The following NFAT5 variants were observed in gnomAD, a reference collection of about 807,000 sequenced individuals.
NFAT5 encodes the protein nuclear factor of activated T-cells 5.
Under a neutral mutation model 166.5 loss-of-function variants are expected in NFAT5, and 31 were observed. The observed-to-expected ratio is 0.19, with a 90% CI of 0.14 to 0.25. NFAT5 has a LOEUF of 0.25. Ranked by LOEUF, NFAT5 falls within the 10% of genes least tolerant of loss-of-function variation. NFAT5 has a pLI of 1.00. For synonymous variants in NFAT5, 612 were observed against 639.7 expected (o/e 0.96, Z 0.65); for missense variants, 1,449 against 1,821.8 (o/e 0.80, Z 3.72).
chr16:69,682,985 G>T (rs925693047), intron 10 of NFAT5, among the ~76,000 whole-genome samples: 3 of 152,224 alleles, frequency 2.0e-5, no homozygotes, highest in African/African-American at 7.2e-5. Flanking sequence ...ACCGAGGTGG[G>T]CAGATCACCT....
chr16:69,681,762 C>A (rs967883876), intron 10 of NFAT5, among the ~76,000 whole-genome samples: 2 of 151,742 alleles, frequency 1.3e-5, no homozygotes, highest in Non-Finnish European at 2.9e-5. Flanking sequence ...CTAAAAAATA[C>A]AAAAAATTAG....
intron 6 of NFAT5, 99 bp downstream of exon 6, chr16:69,655,898 T>A: frequency 1.2e-6 from 1 of 803,310 alleles, no homozygotes; most frequent in South Asian, 2.5e-5. Context: ...CGTATTTTAT[T>A]AAAATGTTTT....
intron 10 of NFAT5, among the ~76,000 whole-genome samples, chr16:69,682,440 C>A (rs568297017): frequency 5.3e-5 from 8 of 150,944 alleles, no homozygotes; most frequent in Non-Finnish European, 1.0e-4. Context: ...AGACCCCCCC[C>A]CCCGCCATCC....
chr16:69,640,896 G>A (rs893242109), intron 3 of NFAT5, among the ~76,000 whole-genome samples: 11 of 151,724 alleles, frequency 7.3e-5, no homozygotes, highest in Non-Finnish European at 1.6e-4. Context: ...CAGAAGAATC[G>A]CTTGACTCTG....
intron 2 of NFAT5, among the ~76,000 whole-genome samples, chr16:69,588,677 C>T (rs187254219): frequency 7.9e-4 from 120 of 152,268 alleles, no homozygotes; most frequent in Non-Finnish European, 1.3e-3. Context: ...TGGGATCTCC[C>T]ATATCAAATA....
In NFAT5 at chr16:69,693,204, T is replaced by A. The variant is rs776303004; in HGVS notation, c.3379T>A (p.Ser1127Thr). 9 of 1,614,150 alleles carry A rather than the reference T, an allele frequency of 5.6e-6. No homozygotes were observed. In the South Asian group the frequency reaches 9.9e-5, roughly 18 times the overall value. The part of the protein sequence containing the change: ...IVHSQTSTTS[S>T]EQMQPPMFHS... ...CCACAGTCAGACTTCTACAACCTCC[T>A]CTGAACAAATGCAGCCTCCAATGTT... The change falls in exon 13 of 15, where the codon TCT (serine) becomes ACT (threonine). Residue 1127 changes from serine (S) to threonine (T), a missense_variant. This residue lies in a region of NFAT5 where 891 missense variants were observed against 993.0 expected (regional missense o/e 0.90). Transcript: ENST00000349945.
At position 69,697,220 on chromosome 16, in the gene NFAT5, C is replaced by T. The variant is rs1216146245; in HGVS notation, c.*869C>T. On this transcript the variant is annotated 3_prime_UTR_variant, in exon 15 of 15. Coordinates refer to ENST00000349945, the MANE Select transcript of NFAT5 (RefSeq NM_138713.4). The stretch of plus-strand genomic sequence containing the variant: ...TTTTATATATATCTATATTACTTTT[C>T]ACCTCTTTTTCACTTTACTTTAGAG... 1 of 152,390 alleles carries T rather than the reference C, an allele frequency of 6.6e-6. No homozygotes were observed. The highest frequency in any genetic ancestry group is 1.5e-5 in the Non-Finnish European group (1 of 67,988). The allele number at this position is 152,390 out of a possible 1,614,324, so 9.4% of individuals were successfully genotyped here. A position where few individuals can be genotyped will look rare whatever the true frequency, so the allele number is the denominator to read the frequency against.
chr16:69,623,484 C>T (rs1175470019), intron 2 of NFAT5, among the ~76,000 whole-genome samples: 3 of 151,650 alleles, frequency 2.0e-5, no homozygotes, highest in Admixed American at 2.0e-4. Flanking sequence ...TGTGTCACCA[C>T]ACCCAGCTAA....
intron 3 of NFAT5, 67 bp from the exon 4 acceptor site, chr16:69,646,961 A>G (rs374587587): frequency 4.6e-6 from 6 of 1,294,554 alleles, no homozygotes; most frequent in East Asian, 2.4e-5. Context: ...CACATTTTCA[A>G]TGGGACTGCT....
rs1388585823 is a variant in NFAT5 at position 69,693,134 on chromosome 16, C to A, written c.3309C>A (p.Ser1103=). The A allele has an allele frequency of 1.2e-6, 2 of 1,614,098 alleles. No individual in the cohort carries two copies. Among genetic ancestry groups the A allele is most frequent in the African/African-American group, 1.3e-5 (1 of 75,006 alleles). The change falls in exon 13 of 15, where the codon TCC becomes TCA. Residue 1103 remains serine (S), a synonymous_variant. Transcript: ENST00000349945. ...CTATTGCCGATGCTCAGAACCTTTC[C>A]CAGGAAACTCAAGGTTCTCTCTTTC... is the stretch of plus-strand genomic sequence containing the variant. ...QNPIADAQNL[S]QETQGSLFHS...
chr16:69,631,470 A>G (rs116061076), intron 3 of NFAT5, among the ~76,000 whole-genome samples: 6,591 of 152,082 alleles, frequency 0.043, 483 homozygotes, highest in African/African-American at 0.15. Context: ...GAATTAAACT[A>G]TAGGTTTTAT....
chr16:69,611,839 ACAAG>A (rs1453154279), intron 2 of NFAT5, among the ~76,000 whole-genome samples: 2 of 152,218 alleles, frequency 1.3e-5, no homozygotes, highest in East Asian at 3.8e-4. Flanking sequence ...ATAGCACCAG[ACAAG>A]CAAGCAGTCA....
At chr16:69,608,716 G>A (rs531941520) in intron 2 of NFAT5, among the ~76,000 whole-genome samples, 7 of 151,860 alleles carry the variant, frequency 4.6e-5, no homozygotes, top group African/African-American at 1.2e-4. Flanking sequence ...CTGGGTTCAC[G>A]CCATTCTCCT....
At chr16:69,689,143 G>A (rs2037448480) in intron 11 of NFAT5, among the ~76,000 whole-genome samples, 1 of 152,170 alleles carries the variant, frequency 6.6e-6, no homozygotes, top group Non-Finnish European at 1.5e-5. Context: ...CAGGCATGGT[G>A]GTGTGTGCCT....
intron 7 of NFAT5, among the ~76,000 whole-genome samples, chr16:69,664,883 C>T (rs949393754): frequency 2.0e-5 from 3 of 151,904 alleles, no homozygotes; most frequent in Non-Finnish European, 4.4e-5. Flanking sequence ...CAAAGTTAGC[C>T]GGGCTTGGTG....
At chr16:69,671,300 C>G (rs1040380842) in intron 9 of NFAT5, among the ~76,000 whole-genome samples, 1 of 152,096 alleles carries the variant, frequency 6.6e-6, no homozygotes, top group African/African-American at 2.4e-5. Flanking sequence ...TGATAACTTC[C>G]TAGAAAAATT....
At chr16:69,682,590 G>A (rs1420332695) in intron 10 of NFAT5, among the ~76,000 whole-genome samples, 1 of 152,076 alleles carries the variant, frequency 6.6e-6, no homozygotes, top group South Asian at 2.1e-4. Context: ...ATGTACTCCA[G>A]CCTGGACAAC....
At chr16:69,610,586 GAA>G (rs933258039) in intron 2 of NFAT5, among the ~76,000 whole-genome samples, 2 of 152,114 alleles carry the variant, frequency 1.3e-5, no homozygotes, top group African/African-American at 4.8e-5. Flanking sequence ...GAATGCTGGG[GAA>G]AGAATTTATC....
rs2037665037 is a variant in NFAT5 at position 69,693,956 on chromosome 16, G to A, written c.4131G>A (p.Gln1377=). The change falls in exon 13 of 15, where the codon CAG becomes CAA. Residue 1377 remains glutamine (Q), a synonymous_variant. Coordinates refer to ENST00000349945, the MANE Select transcript of NFAT5 (RefSeq NM_138713.4). ...TGTTCCATAGCTCTCCTCAGATTCA[G>A]TTGGTACAAGGGTCACCTAGTTCTC... The part of the protein sequence containing the change: ...TPLFHSSPQI[Q]LVQGSPSSQE... 2.5e-6 allele frequency: 4 copies of A among 1,614,214 alleles called. No homozygotes were observed. Among genetic ancestry groups the A allele is most frequent in the Non-Finnish European group, 3.4e-6 (4 of 1,180,042 alleles).
Sources: gnomAD v4.1 joint callset for allele counts (sites outside exome capture counted in the v4.1 genomes callset) on GRCh38, gnomAD v4.1.1 for gene constraint, gnomAD v4.1.1 regional missense constraint, MANE v1.5 for transcripts, NCBI Gene and HGNC (gene_info 2026-07-23, HGNC 2026-07-21) for gene names.